Variants in ADGRL2 observed in about 807,000 individuals in gnomAD.
ADGRL2 encodes calcium-independent alpha-latrotoxin receptor 2.
ADGRL2 carries 44 observed loss-of-function variants against 157.4 expected under a neutral mutation model. The ratio of observed to expected loss-of-function variants is 0.28; its 90% CI spans 0.22 to 0.36. The LOEUF (loss-of-function observed/expected upper bound fraction) is 0.36. Ranked by LOEUF, ADGRL2 falls within the 10% of genes least tolerant of loss-of-function variation. The probability of loss-of-function intolerance (pLI) is 1.00; values close to 1 mark genes in which losing one functional copy is unlikely to be tolerated. For missense variants in ADGRL2, 1,510 were observed against 1,768.9 expected, an observed-to-expected ratio of 0.85 and a Z score of 2.63; for synonymous variants, 585 against 624.7, an observed-to-expected ratio of 0.94 and a Z score of 0.95.
intron 2 of ADGRL2, among the ~76,000 whole-genome samples, chr1:81,570,710 A>G (rs2080669236): frequency 6.6e-6 from 1 of 152,158 alleles, no homozygotes; most frequent in African/African-American, 2.4e-5. Context: ...TTTATTGGAT[A>G]AAATTCCTAG....
chr1:81,809,935 C>T (rs569987633), intron 1 of ADGRL2, among the ~76,000 whole-genome samples: 1 of 151,966 alleles, frequency 6.6e-6, no homozygotes, highest in South Asian at 2.1e-4. Context: ...CCACACTTTG[C>T]CTCCTTTTAT....
chr1:81,433,417 A>T (rs1210976900), intron 1 of ADGRL2, among the ~76,000 whole-genome samples: 2 of 152,202 alleles, frequency 1.3e-5, no homozygotes, highest in African/African-American at 4.8e-5. Context: ...GAAAGCGATT[A>T]TATTCCAAGA....
intron 1 of ADGRL2, among the ~76,000 whole-genome samples, chr1:81,830,927 T>G (rs752744004): frequency 6.6e-6 from 1 of 152,254 alleles, no homozygotes; most frequent in Non-Finnish European, 1.5e-5. Context: ...TGGGTCATTA[T>G]TATTTCATTT....
chr1:81,722,954 G>C, intron 1 of ADGRL2: 1 of 766,808 alleles, frequency 1.3e-6, no homozygotes, highest in Non-Finnish European at 2.3e-6. Flanking sequence ...GGATCCAGAA[G>C]TTATGGTGGC....
chr1:81,692,129 G>A (rs926125937), intron 3 of ADGRL2, among the ~76,000 whole-genome samples: 12 of 151,684 alleles, frequency 7.9e-5, no homozygotes, highest in African/African-American at 1.7e-4. Flanking sequence ...AAATTAGGCC[G>A]GGTGTGGTGG....
At chr1:81,363,121 A>G (rs952745673) in intron 1 of ADGRL2, among the ~76,000 whole-genome samples, 1 of 152,204 alleles carries the variant, frequency 6.6e-6, no homozygotes, top group Middle Eastern at 3.4e-3. Flanking sequence ...ATCTTAAATC[A>G]TTTCAGTATT....
intron 1 of ADGRL2, among the ~76,000 whole-genome samples, chr1:81,727,408 T>C (rs1355346640): frequency 6.6e-6 from 1 of 152,156 alleles, no homozygotes; most frequent in Non-Finnish European, 1.5e-5. Context: ...TGTATAAGGA[T>C]GAGAACCTGC....
At chr1:81,809,056 A>G (rs1016197427) in intron 1 of ADGRL2, among the ~76,000 whole-genome samples, 1 of 152,074 alleles carries the variant, frequency 6.6e-6, no homozygotes, top group African/African-American at 2.4e-5. Context: ...TACAGAGCAC[A>G]GCATTAATCA....
chr1:81,525,716 T>C (rs188778709), intron 2 of ADGRL2, among the ~76,000 whole-genome samples: 13 of 152,300 alleles, frequency 8.5e-5, no homozygotes, highest in Middle Eastern at 3.4e-3. Flanking sequence ...AGTGAGAGTA[T>C]TTATCCCAAG....
chr1:81,333,582 AT>A (rs1661425858), intron 1 of ADGRL2, among the ~76,000 whole-genome samples: 1 of 151,668 alleles, frequency 6.6e-6, no homozygotes, highest in African/African-American at 2.4e-5. Context: ...CGCCTGGATA[AT>A]TTTTTGTATT....
At chr1:81,456,829 G>A (rs2077818051) in intron 2 of ADGRL2, among the ~76,000 whole-genome samples, 1 of 151,996 alleles carries the variant, frequency 6.6e-6, no homozygotes, top group East Asian at 1.9e-4. Flanking sequence ...TATCCCACCT[G>A]TCTGCTCCTC....
intron 2 of ADGRL2, among the ~76,000 whole-genome samples, chr1:81,475,466 G>A (rs1460746992): frequency 6.6e-6 from 1 of 152,054 alleles, no homozygotes; most frequent in Non-Finnish European, 1.5e-5. Flanking sequence ...GATTTTTAAA[G>A]CATTTATGCA....
chr1:81,911,319 G>C (rs954058933), intron 3 of ADGRL2, among the ~76,000 whole-genome samples: 1 of 151,932 alleles, frequency 6.6e-6, no homozygotes. Context: ...TAATTGTTGG[G>C]GGGGGCAACT....
At chr1:81,872,833 G>C (rs1336743319) in intron 2 of ADGRL2, among the ~76,000 whole-genome samples, 1 of 152,062 alleles carries the variant, frequency 6.6e-6, no homozygotes, top group African/African-American at 2.4e-5. Flanking sequence ...GTTAATGCCT[G>C]TTAGTGTTCA....
At chr1:81,879,257 A>G (rs2093922122) in intron 2 of ADGRL2, among the ~76,000 whole-genome samples, 1 of 152,056 alleles carries the variant, frequency 6.6e-6, no homozygotes, top group South Asian at 2.1e-4. Flanking sequence ...TGCTTAAAAC[A>G]CAGAGTAATT....
In ADGRL2 at chr1:81,705,960, C is replaced by T. The variant is rs562784743; in HGVS notation, c.-143+6152C>T. Among the ~76,000 whole-genome samples, 364 of 152,096 alleles carry T rather than the reference C, an allele frequency of 2.4e-3. 2 individuals are homozygous for T. Among genetic ancestry groups the T allele is most frequent in the African/African-American group, 8.3e-3 (346 of 41,494 alleles). On this transcript the variant is annotated intron_variant, in intron 1 of 20. Transcript: ENST00000359929. ...GCGCGGTGGCTCATGCCTGTAATCC[C>T]AGCACTTTGGGAGGCCAAGGCGGGC...
intron 2 of ADGRL2, among the ~76,000 whole-genome samples, chr1:81,538,061 C>T (rs534944155): frequency 1.1e-4 from 16 of 152,210 alleles, no homozygotes; most frequent in African/African-American, 3.4e-4. Flanking sequence ...TTCAAATTGT[C>T]GATTTCATAA....
intron 2 of ADGRL2, among the ~76,000 whole-genome samples, chr1:81,890,779 A>G (rs1459172717): frequency 1.3e-5 from 2 of 152,154 alleles, no homozygotes; most frequent in Non-Finnish European, 2.9e-5. Flanking sequence ...ACCTAGGTCT[A>G]CAGTCTGGTA....
intron 1 of ADGRL2, among the ~76,000 whole-genome samples, chr1:81,318,467 G>A (rs917044136): frequency 4.6e-5 from 7 of 152,028 alleles, no homozygotes; most frequent in African/African-American, 1.4e-4. Context: ...TAAAATGGGG[G>A]CAATACTGAC....
Sources: gnomAD v4.1 joint callset for allele counts (sites outside exome capture counted in the v4.1 genomes callset) on GRCh38, gnomAD v4.1.1 for gene constraint, MANE v1.5 for transcripts, NCBI Gene and HGNC (gene_info 2026-07-23, HGNC 2026-07-21) for gene names.